The following R3HDM2 variants were observed in gnomAD, a reference collection of about 807,000 sequenced individuals.
R3HDM2 encodes the protein R3H domain-containing protein 2.
A neutral mutation model predicts 124.5 loss-of-function variants in R3HDM2; 38 were observed. That is an observed-to-expected ratio of 0.31 (90% confidence interval 0.24 to 0.40). The LOEUF (loss-of-function observed/expected upper bound fraction) is 0.40, where lower values mean the gene tolerates loss of function less well. Ranked by LOEUF, R3HDM2 falls within the 10% of genes least tolerant of loss-of-function variation. R3HDM2 has a pLI of 1.00. For missense variants in R3HDM2, 869 were observed against 1,236.9 expected, an observed-to-expected ratio of 0.70 and a Z score of 4.46; for synonymous variants, 391 against 448.0, an observed-to-expected ratio of 0.87 and a Z score of 1.61.
At chr12:57,366,401 G>C (rs58295734) in intron 2 of R3HDM2, among the ~76,000 whole-genome samples, 1 of 152,068 alleles carries the variant, frequency 6.6e-6, no homozygotes, top group Non-Finnish European at 1.5e-5. Context: ...CTGCTGTGCC[G>C]ATCTGCTGTA....
In R3HDM2 at chr12:57,256,482, G is replaced by A. The variant is rs1232209458; in HGVS notation, c.2479C>T (p.Pro827Ser). 5 of 1,595,380 alleles carry A rather than the reference G, an allele frequency of 3.1e-6. No homozygotes were observed. Among genetic ancestry groups the A allele is most frequent in the Admixed American group, 3.5e-5 (2 of 57,514 alleles). ...CAGATGGACAGATTGTACTGTAATGGCTGGCCCAAAAGGGAGTAGCGCCCA... is the reference window on the plus strand; with the variant it reads ...CAGATGGACAGATTGTACTGTAATGACTGGCCCAAAAGGGAGTAGCGCCCA... Reference protein sequence around the residue: ...GDGRYSLLGQPLQYNLSICPP... With the variant: ...GDGRYSLLGQSLQYNLSICPP... Residue 827 changes from proline to serine, a missense_variant, in exon 22 of 24, where the codon CCA becomes TCA. By Grantham distance (74) the Pro-to-Ser change is moderately conservative (BLOSUM62 -1). Around this residue, in one of 2 missense-constraint regions of R3HDM2, gnomAD observed 602 missense variants for 789.2 expected, o/e 0.76. Transcript: ENST00000402412.
At chr12:57,392,120 G>A (rs2066780351) in intron 2 of R3HDM2, among the ~76,000 whole-genome samples, 1 of 152,160 alleles carries the variant, frequency 6.6e-6, no homozygotes, top group Admixed American at 6.5e-5. Context: ...CCGAGATCGT[G>A]CAACTCCTAT....
chr12:57,320,633 A>T (rs886110645), intron 2 of R3HDM2, among the ~76,000 whole-genome samples: 1 of 152,174 alleles, frequency 6.6e-6, no homozygotes. Context: ...GGCAGTGAAG[A>T]AATAGGATAA....
chr12:57,270,020 AT>A (rs761974547), intron 14 of R3HDM2, 26 bp from the exon 15 acceptor site: 2 of 1,612,636 alleles, frequency 1.2e-6, no homozygotes, highest in South Asian at 2.2e-5. Context: ...AAGACACAGG[AT>A]TGGGGCTGTA....
chr12:57,408,438 A>G (rs115176543), intron 1 of R3HDM2, among the ~76,000 whole-genome samples: 1,826 of 152,274 alleles, frequency 0.012, 34 homozygotes, highest in African/African-American at 0.041. Context: ...GCTTCAAAAT[A>G]ATCAATAAGG....
chr12:57,329,393 C>T lies in R3HDM2; in HGVS notation c.-35-18930G>A, dbSNP rs12315459. 8.2e-3 allele frequency among the ~76,000 whole-genome samples: 1,246 copies of T among 152,278 alleles called. 16 individuals are homozygous for T. The highest frequency in any genetic ancestry group is 0.028 in the African/African-American group (1,162 of 41,548). ...TTTGGCTGTGTGACTACTGTTTCTA[C>T]AACTTACTAATTATGTCACTGAGCC... On this transcript the variant is annotated intron_variant, in intron 2 of 23. Transcript: ENST00000402412.
rs558139792 is a variant in R3HDM2 at position 57,292,779 on chromosome 12, G to GA, written c.811-113dup. On this transcript the variant is annotated intron_variant, in intron 10 of 23. Transcript: ENST00000402412. ...GTTTATAGTTGCCATCAAAAAAATG[G>GA]AAAAAAAAAAGAATAAAATTTCCAG... The GA allele has an allele frequency of 9.6e-3, 5,713 of 596,480 alleles. 2 individuals carry two copies. The highest frequency in any genetic ancestry group is 0.021 in the South Asian group (922 of 44,618). The allele number at this position is 596,480 out of a possible 1,614,324, so 36.9% of individuals were successfully genotyped here. A position where few individuals can be genotyped will look rare whatever the true frequency, so the allele number is the denominator to read the frequency against.
At chr12:57,368,898 G>A (rs2062986880) in intron 2 of R3HDM2, among the ~76,000 whole-genome samples, 1 of 152,104 alleles carries the variant, frequency 6.6e-6, no homozygotes, top group Admixed American at 6.6e-5. Flanking sequence ...AGTGGGGGGT[G>A]GATTTGGGGG....
chr12:57,280,301 A>G, intron 14 of R3HDM2, 57 bp downstream of exon 14: 10 of 1,536,016 alleles, frequency 6.5e-6, no homozygotes, highest in Non-Finnish European at 8.0e-6. Context: ...ATGACGGTAC[A>G]TCTAAAGTTT....
chr12:57,282,229 T>C (rs1227073306), intron 13 of R3HDM2, among the ~76,000 whole-genome samples: 5 of 150,820 alleles, frequency 3.3e-5, no homozygotes, highest in East Asian at 3.9e-4. Context: ...GAGAATCGCT[T>C]GAACCCGGGA....
intron 12 of R3HDM2, among the ~76,000 whole-genome samples, chr12:57,287,897 G>A (rs1436573481): frequency 1.3e-5 from 2 of 152,096 alleles, no homozygotes; most frequent in African/African-American, 4.8e-5. Context: ...GGAAATGGAG[G>A]ACACTGGGAA....
chr12:57,426,995 A>C (rs2070802762), intron 1 of R3HDM2, among the ~76,000 whole-genome samples: 1 of 152,322 alleles, frequency 6.6e-6, no homozygotes, highest in East Asian at 1.9e-4. Flanking sequence ...TACGGAAATT[A>C]ATAAAACAAA....
intron 2 of R3HDM2, among the ~76,000 whole-genome samples, chr12:57,379,702 A>C (rs764977668): frequency 4.6e-5 from 7 of 152,194 alleles, no homozygotes; most frequent in Non-Finnish European, 1.0e-4. Context: ...AGTATTTGTT[A>C]AATAAGCTAT....
intron 2 of R3HDM2, among the ~76,000 whole-genome samples, chr12:57,376,770 C>T (rs1362509734): frequency 4.0e-5 from 6 of 151,628 alleles, no homozygotes; most frequent in African/African-American, 1.5e-4. Context: ...GCCAACATGA[C>T]GAAGTCCCAT....
At chr12:57,266,929 G>A in intron 18 of R3HDM2, 98 bp from the exon 19 acceptor site, 1 of 862,924 alleles carries the variant, frequency 1.2e-6, no homozygotes, top group Non-Finnish European at 1.8e-6. Context: ...CTATGGGAAG[G>A]AGAGGCAACT....
At chr12:57,284,337 T>C (rs1420520400) in intron 12 of R3HDM2, among the ~76,000 whole-genome samples, 1 of 152,182 alleles carries the variant, frequency 6.6e-6, no homozygotes, top group Non-Finnish European at 1.5e-5. Context: ...ACCATATACA[T>C]GATGCTGAGA....
At chr12:57,374,722 G>A (rs183656131) in intron 2 of R3HDM2, among the ~76,000 whole-genome samples, 1,620 of 146,304 alleles carry the variant, frequency 0.011, 24 homozygotes, top group African/African-American at 0.039. Flanking sequence ...GGCCGGGCGC[G>A]GTGGCTCACG....
chr12:57,342,541 ACCT>A (rs1437225027), intron 2 of R3HDM2, among the ~76,000 whole-genome samples: 5 of 150,690 alleles, frequency 3.3e-5, no homozygotes, highest in African/African-American at 1.2e-4. Flanking sequence ...ACCCCCTCCC[ACCT>A]CCTCTTCTCG....
chr12:57,309,977 A>T lies in R3HDM2; in HGVS notation c.165+287T>A, dbSNP rs957072507. 2.0e-5 allele frequency among the ~76,000 whole-genome samples: 3 copies of T among 152,184 alleles called. No homozygotes were observed. In the East Asian group the frequency reaches 5.8e-4, roughly 29 times the overall value. On this transcript the variant is annotated intron_variant, in intron 3 of 23. Transcript: ENST00000402412. ...CTATAATCCCAGCATTTTGAGAGGCAAAGACAGGAGAATCATTTGAGGCCA... is the reference window on the plus strand; with the variant it reads ...CTATAATCCCAGCATTTTGAGAGGCTAAGACAGGAGAATCATTTGAGGCCA...
Sources: gnomAD v4.1 joint callset for allele counts (sites outside exome capture counted in the v4.1 genomes callset) on GRCh38, gnomAD v4.1.1 for gene constraint, gnomAD v4.1.1 regional missense constraint, MANE v1.5 for transcripts, NCBI Gene and HGNC (gene_info 2026-07-23, HGNC 2026-07-21) for gene names.